The following CHST8 variants were observed in gnomAD, a reference collection of about 807,000 sequenced individuals.
CHST8 encodes GALNAC-4-ST1.
A neutral mutation model predicts 15.0 loss-of-function variants in CHST8; 10 were observed. The ratio of observed to expected loss-of-function variants is 0.67; its 90% CI spans 0.41 to 1.13. The LOEUF is 1.13. Among genes scored for constraint, CHST8 ranks in the 50% most tolerant of loss-of-function variants. The probability of loss-of-function intolerance (pLI) is 0.00; values close to 1 mark genes in which losing one functional copy is unlikely to be tolerated. For synonymous variants in CHST8, 259 were observed against 256.6 expected (o/e 1.01, Z -0.09); for missense variants, 634 against 608.2 (o/e 1.04, Z -0.45).
intron 3 of CHST8, among the ~76,000 whole-genome samples, chr19:33,694,540 G>C (rs532959563): frequency 1.5e-4 from 23 of 152,140 alleles, no homozygotes; most frequent in Non-Finnish European, 2.6e-4. Flanking sequence ...AGATAATAAT[G>C]AATATTGACT....
At chr19:33,738,304 G>A in intron 3 of CHST8, among the ~76,000 whole-genome samples, 1 of 152,180 alleles carries the variant, frequency 6.6e-6, no homozygotes, top group East Asian at 1.9e-4. Context: ...TTGGGAGAAT[G>A]GAACAATTGC....
intron 1 of CHST8, among the ~76,000 whole-genome samples, chr19:33,623,388 C>G (rs1217058618): frequency 2.0e-5 from 3 of 152,204 alleles, no homozygotes; most frequent in Non-Finnish European, 2.9e-5. Context: ...ACGCGCGTCC[C>G]GGCCCCTCTC....
chr19:33,758,036 C>T lies in CHST8; in HGVS notation c.131-13377C>T, dbSNP rs141716641. ...ATCCAGACCCTCGGCAGGGAAGAGC[C>T]GGACTGACGGCCAGAGCCCCTGAGT... On this transcript the variant is annotated intron_variant, in intron 3 of 4. Transcript: ENST00000650847. Among the ~76,000 whole-genome samples, 714 of 150,778 alleles carry T rather than the reference C, an allele frequency of 4.7e-3. 2 individuals are homozygous for T. The highest frequency in any genetic ancestry group is 0.01 in the Admixed American group (152 of 15,054).
At chr19:33,716,115 T>A (rs1973662149) in intron 3 of CHST8, among the ~76,000 whole-genome samples, 1 of 152,242 alleles carries the variant, frequency 6.6e-6, no homozygotes, top group Admixed American at 6.5e-5. Context: ...AGACGGATTT[T>A]TTTCACCCAT....
chr19:33,727,017 C>A (rs1470483907), intron 3 of CHST8, among the ~76,000 whole-genome samples: 4 of 151,938 alleles, frequency 2.6e-5, no homozygotes, highest in Non-Finnish European at 4.4e-5. Context: ...GTGCCACTTT[C>A]GCTGATGCCT....
chr19:33,770,501 C>T (rs886184142), intron 3 of CHST8, among the ~76,000 whole-genome samples: 1 of 152,200 alleles, frequency 6.6e-6, no homozygotes, highest in South Asian at 2.1e-4. Context: ...AGATTCCCCC[C>T]AAAGGGAATC....
intron 1 of CHST8, among the ~76,000 whole-genome samples, chr19:33,625,524 C>T (rs576170950): frequency 6.6e-6 from 1 of 152,230 alleles, no homozygotes; most frequent in African/African-American, 2.4e-5. Context: ...TCAATGTGAC[C>T]CGGCAGTGGC....
At chr19:33,768,279 G>A (rs914717350) in intron 3 of CHST8, among the ~76,000 whole-genome samples, 9 of 152,036 alleles carry the variant, frequency 5.9e-5, no homozygotes, top group Non-Finnish European at 1.0e-4. Context: ...TTCTTTATTC[G>A]AAAGTGAACT....
chr19:33,771,906 A>C (rs1490389259), intron 4 of CHST8, 51 bp from the exon 5 acceptor site: 1 of 1,517,446 alleles, frequency 6.6e-7, no homozygotes. Context: ...TGTGGCCCTC[A>C]GTGCCCAGCT....
At chr19:33,681,914 TG>T (rs1972895979) in intron 2 of CHST8, among the ~76,000 whole-genome samples, 1 of 151,614 alleles carries the variant, frequency 6.6e-6, no homozygotes, top group Non-Finnish European at 1.5e-5. Flanking sequence ...TCACCCAGGC[TG>T]GAGTGCAATG....
At chr19:33,742,986 A>G (rs1974226171) in intron 3 of CHST8, among the ~76,000 whole-genome samples, 1 of 152,134 alleles carries the variant, frequency 6.6e-6, no homozygotes, top group Non-Finnish European at 1.5e-5. Context: ...GAGGAGAGGC[A>G]CTGCTGGGCT....
chr19:33,627,561 C>T (rs2115374), intron 1 of CHST8, among the ~76,000 whole-genome samples: 23,753 of 152,154 alleles, frequency 0.16, 2,061 homozygotes, highest in Non-Finnish European at 0.2. Context: ...GCACTCCGCA[C>T]GTAGAACACC....
chr19:33,639,273 A>G (rs1364970065), intron 1 of CHST8, among the ~76,000 whole-genome samples: 2 of 152,082 alleles, frequency 1.3e-5, no homozygotes, highest in South Asian at 2.1e-4. Flanking sequence ...GGTGACAGCT[A>G]TCTAATGCAA....
chr19:33,715,289 G>C (rs995768858), intron 3 of CHST8, among the ~76,000 whole-genome samples: 1 of 152,184 alleles, frequency 6.6e-6, no homozygotes, highest in African/African-American at 2.4e-5. Flanking sequence ...TTGTCCTGCT[G>C]TCTCCAGCAT....
In CHST8 at chr19:33,689,404, G is replaced by A. The variant is rs372444138; in HGVS notation, c.130+13G>A. The A allele has an allele frequency of 6.3e-5, 99 of 1,570,892 alleles. 3 individuals carry two copies. The African/African-American group carries it at 6.7e-4, about 11-fold the overall frequency. On this transcript the variant is annotated intron_variant, in intron 3 of 4. Transcript: ENST00000650847. ...CAGCAGGTGCCAGGTGAGTCCTTGC[G>A]CTGAGTCCTGCCATCACTGCCCCCA...
chr19:33,664,022 G>A (rs1972618988), intron 1 of CHST8, among the ~76,000 whole-genome samples: 1 of 152,110 alleles, frequency 6.6e-6, no homozygotes, highest in Non-Finnish European at 1.5e-5. Context: ...CACACACAAA[G>A]CCACACTGTA....
At chr19:33,646,605 T>A (rs1972359347) in intron 1 of CHST8, among the ~76,000 whole-genome samples, 1 of 152,218 alleles carries the variant, frequency 6.6e-6, no homozygotes. Context: ...GGGACTATTG[T>A]CATCTTTGTT....
chr19:33,749,680 C>A (rs1257933579), intron 3 of CHST8, among the ~76,000 whole-genome samples: 1 of 152,060 alleles, frequency 6.6e-6, no homozygotes, highest in Non-Finnish European at 1.5e-5. Flanking sequence ...AGTCTTACTG[C>A]TACTCACCCA....
rs549381839 is a variant in CHST8 at position 33,739,347 on chromosome 19, G to A, written c.131-32066G>A. ...GCACAACATCCCCTGCCCTGCAGAA[G>A]TCGTGGAAGCCATAAGCCATCCCTC... On this transcript the variant is annotated intron_variant, in intron 3 of 4. Coordinates refer to ENST00000650847, the MANE Select transcript of CHST8 (RefSeq NM_001127895.2). Among the ~76,000 whole-genome samples the A allele has an allele frequency of 4.6e-5, 7 of 152,246 alleles. No homozygotes were observed. The South Asian group carries it at 1.5e-3, about 32-fold the overall frequency.
Sources: allele counts gnomAD v4.1 joint callset (sites outside exome capture counted in the v4.1 genomes callset), GRCh38; gene constraint gnomAD v4.1.1; transcripts MANE v1.5; gene names NCBI Gene and HGNC (gene_info 2026-07-23, HGNC 2026-07-21).